Variants in ANKRD33B observed in about 807,000 individuals in gnomAD.
The protein encoded by ANKRD33B is ankyrin repeat domain 33B.
In ANKRD33B, 6 loss-of-function variants were observed where a neutral mutation model predicts 21.5. The ratio of observed to expected loss-of-function variants is 0.28; its 90% CI spans 0.15 to 0.55. ANKRD33B has a LOEUF of 0.55. Among genes scored for constraint, ANKRD33B ranks in the 20% least tolerant of loss-of-function variants. The probability of loss-of-function intolerance (pLI) is 0.94; values close to 1 mark genes in which losing one functional copy is unlikely to be tolerated. For missense variants in ANKRD33B, 698 were observed against 747.2 expected (o/e 0.93, Z 0.77); for synonymous variants, 347 against 342.4 (o/e 1.01, Z -0.15).
intron 2 of ANKRD33B, among the ~76,000 whole-genome samples, chr5:10,635,473 C>T (rs886860869): frequency 7.2e-5 from 11 of 152,196 alleles, no homozygotes; most frequent in Admixed American, 2.6e-4. Flanking sequence ...AAAAAAGCAC[C>T]AGCGACTGGC....
intron 1 of ANKRD33B, among the ~76,000 whole-genome samples, chr5:10,595,425 A>G (rs533241015): frequency 1.3e-5 from 2 of 152,278 alleles, no homozygotes; most frequent in African/African-American, 4.8e-5. Flanking sequence ...CATCGCTCCA[A>G]TCTCTCTCTG....
chr5:10,642,059 T>C (rs1453866631), intron 3 of ANKRD33B, among the ~76,000 whole-genome samples: 1 of 152,256 alleles, frequency 6.6e-6, no homozygotes, highest in Non-Finnish European at 1.5e-5. Context: ...CTTTTTCAAC[T>C]GAACATTTAT....
chr5:10,620,059 G>A (rs1736385011), intron 2 of ANKRD33B, among the ~76,000 whole-genome samples: 1 of 152,136 alleles, frequency 6.6e-6, no homozygotes, highest in African/African-American at 2.4e-5. Context: ...GATGAGGGAA[G>A]GATGGGGACC....
At chr5:10,574,060 C>T (rs1579709980) in intron 1 of ANKRD33B, among the ~76,000 whole-genome samples, 2 of 152,264 alleles carry the variant, frequency 1.3e-5, no homozygotes, top group African/African-American at 4.8e-5. Context: ...CCCTTCCTTG[C>T]CCCGGGCTCT....
intron 1 of ANKRD33B, among the ~76,000 whole-genome samples, chr5:10,614,581 T>C (rs1736242318): frequency 6.6e-6 from 1 of 152,176 alleles, no homozygotes; most frequent in Non-Finnish European, 1.5e-5. Flanking sequence ...TCATTTAATT[T>C]GTTAATATAA....
At chr5:10,564,904 G>T (rs1029467141) in intron 1 of ANKRD33B, 71 bp downstream of exon 1, 3 of 1,433,528 alleles carry the variant, frequency 2.1e-6, no homozygotes, top group African/African-American at 1.4e-5. Flanking sequence ...CCACATCCCC[G>T]CGCCTCCCAG....
chr5:10,644,606 G>A (rs60115787), intron 3 of ANKRD33B, among the ~76,000 whole-genome samples: 63,853 of 152,022 alleles, frequency 0.42, 13,691 homozygotes, highest in Middle Eastern at 0.56. Context: ...AGATGCTCCC[G>A]CTGTGGGTCA....
intron 2 of ANKRD33B, among the ~76,000 whole-genome samples, chr5:10,623,092 C>T (rs2126586574): frequency 1.3e-5 from 2 of 152,228 alleles, no homozygotes; most frequent in Middle Eastern, 6.8e-3. Context: ...CTGTAACAAC[C>T]AAGGAGCAGC....
At chr5:10,641,234 T>C (rs948960634) in intron 3 of ANKRD33B, among the ~76,000 whole-genome samples, 5 of 110,140 alleles carry the variant, frequency 4.5e-5, no homozygotes, top group South Asian at 3.7e-4. Context: ...TCTTTTTTTT[T>C]TTTTTTTTTT....
chr5:10,622,231 T>A (rs1011196920), intron 2 of ANKRD33B, among the ~76,000 whole-genome samples: 2 of 151,880 alleles, frequency 1.3e-5, no homozygotes, highest in African/African-American at 2.4e-5. Context: ...TGCCAGAGGG[T>A]CCCCTGGACA....
At position 10,564,724 on chromosome 5, in the gene ANKRD33B, C is replaced by T; in HGVS notation, c.257C>T (p.Thr86Met). 2.0e-6 allele frequency: 3 copies of T among 1,533,354 alleles called. No homozygotes were observed. Among genetic ancestry groups the T allele is most frequent in the Non-Finnish European group, 2.6e-6 (3 of 1,145,726 alleles). 95.0% of individuals were successfully genotyped at this position (1,533,354 alleles called of 1,614,324 possible). ...GGCGTCCCGGAAAGCGTCCCGGAGA[C>T]GGCGACCCTCCTGCGCGCCGCCTGC... ...PEGVPESVPE[T>M]ATLLRAACAN... The change falls in exon 1 of 4, where the codon ACG (threonine) becomes ATG (methionine). Residue 86 changes from threonine (T) to methionine (M), a missense_variant. Thr to Met is a moderately conservative substitution (Grantham distance 81). Around this residue, in one of 3 missense-constraint regions of ANKRD33B, gnomAD observed 148 missense variants for 154.9 expected, o/e 0.96. Coordinates refer to ENST00000296657, the MANE Select transcript of ANKRD33B (RefSeq NM_001164440.2).
chr5:10,636,459 T>G (rs1326075563), intron 2 of ANKRD33B, among the ~76,000 whole-genome samples: 1 of 151,220 alleles, frequency 6.6e-6, no homozygotes, highest in Non-Finnish European at 1.5e-5. Context: ...AAAAAAAAAT[T>G]TTTTTTAATT....
chr5:10,583,771 G>A (rs1019135964), intron 1 of ANKRD33B, among the ~76,000 whole-genome samples: 9 of 152,128 alleles, frequency 5.9e-5, no homozygotes, highest in Admixed American at 1.3e-4. Flanking sequence ...TCCAACAGGC[G>A]GTCCTATTCT....
intron 2 of ANKRD33B, among the ~76,000 whole-genome samples, chr5:10,629,757 A>G (rs1395561855): frequency 2.0e-5 from 3 of 152,160 alleles, no homozygotes; most frequent in Non-Finnish European, 4.4e-5. Flanking sequence ...GAAGGAGAGA[A>G]CAGGAGCTCA....
At chr5:10,614,001 G>GTGTGTGTT (rs1168337602) in intron 1 of ANKRD33B, among the ~76,000 whole-genome samples, 1 of 150,716 alleles carries the variant, frequency 6.6e-6, no homozygotes, top group Non-Finnish European at 1.5e-5. Flanking sequence ...GTGTGTGTGT[G>GTGTGTGTT]TGTGTGTGTG....
At chr5:10,570,692 G>A (rs954250384) in intron 1 of ANKRD33B, among the ~76,000 whole-genome samples, 2 of 152,030 alleles carry the variant, frequency 1.3e-5, no homozygotes, top group East Asian at 3.8e-4. Context: ...GAGTAGCTGG[G>A]ACTATAGGTG....
chr5:10,573,692 G>A (rs913185088), intron 1 of ANKRD33B, among the ~76,000 whole-genome samples: 10 of 152,076 alleles, frequency 6.6e-5, no homozygotes, highest in South Asian at 2.1e-4. Context: ...ACTACATGGC[G>A]GCATGAGAGA....
chr5:10,630,391 G>A (rs1255552383), intron 2 of ANKRD33B, among the ~76,000 whole-genome samples: 1 of 152,210 alleles, frequency 6.6e-6, no homozygotes, highest in Non-Finnish European at 1.5e-5. Flanking sequence ...GTCTGGATAA[G>A]TACATTTCAA....
rs780678429 is a variant in ANKRD33B at position 10,651,645 on chromosome 5, G to C, written c.*1532G>C. On this transcript the variant is annotated 3_prime_UTR_variant, in exon 4 of 4. Transcript: ENST00000296657. ...TTAATTGAAATACTTGGACACGCAC[G>C]ATCACAGGCCTATTTGGAGGCTCTG... 1 of 152,238 alleles carries C rather than the reference G, an allele frequency of 6.6e-6. No homozygotes were observed. The highest frequency in any genetic ancestry group is 1.5e-5 in the Non-Finnish European group (1 of 68,020). 9.4% of individuals were successfully genotyped at this position (152,238 alleles called of 1,614,324 possible).
Sources: gnomAD v4.1 joint callset for allele counts (sites outside exome capture counted in the v4.1 genomes callset) on GRCh38, gnomAD v4.1.1 for gene constraint, gnomAD v4.1.1 regional missense constraint, MANE v1.5 for transcripts, NCBI Gene and HGNC (gene_info 2026-07-23, HGNC 2026-07-21) for gene names.